Variants in LPIN1 observed in about 807,000 individuals in gnomAD.
LPIN1 encodes the protein lipin 1, also known as phosphatidate phosphatase LPIN1.
Under a neutral mutation model 107.5 loss-of-function variants are expected in LPIN1, and 71 were observed. The ratio of observed to expected loss-of-function variants is 0.66; its 90% CI spans 0.55 to 0.80. LPIN1 has a LOEUF of 0.80. LPIN1 is among the 30% of genes least tolerant of loss of function. LPIN1 has a pLI of 0.00. For synonymous variants in LPIN1, 445 were observed against 452.6 expected (o/e 0.98, Z 0.21); for missense variants, 1,043 against 1,160.6 (o/e 0.90, Z 1.47).
At chr2:11,692,001 A>G (rs764451465) in intron 1 of LPIN1, among the ~76,000 whole-genome samples, 15 of 152,218 alleles carry the variant, frequency 9.9e-5, no homozygotes, top group Non-Finnish European at 2.1e-4. Flanking sequence ...ATGAAAATGG[A>G]AAGCCTTTTC....
At chr2:11,684,668 C>A (rs749913088) in intron 1 of LPIN1, among the ~76,000 whole-genome samples, 1 of 152,150 alleles carries the variant, frequency 6.6e-6, no homozygotes, top group Admixed American at 6.5e-5. Flanking sequence ...TGGGAGAAGG[C>A]ATTTTCTATT....
intron 14 of LPIN1, among the ~76,000 whole-genome samples, chr2:11,801,105 C>G (rs948899857): frequency 6.6e-6 from 1 of 152,120 alleles, no homozygotes; most frequent in Non-Finnish European, 1.5e-5. Context: ...CAAAAAATAA[C>G]GAATGCTCAC....
rs993205772 is a variant in LPIN1, at chr2:11,803,148, G to T, written c.2013+115G>T. 1.4e-6 allele frequency: 2 copies of T among 1,435,960 alleles called. No homozygotes were observed. The highest frequency in any genetic ancestry group is 1.9e-6 in the Non-Finnish European group (2 of 1,032,318). 89.0% of individuals were successfully genotyped at this position (1,435,960 alleles called of 1,614,324 possible). ...TTACTTGTCACCTTTCATCCCAGGG[G>T]GCCTGCAATCCCTCAACTGGGTACC... On this transcript the variant is annotated intron_variant, in intron 15 of 20. Coordinates refer to ENST00000674199, the MANE Select transcript of LPIN1 (RefSeq NM_001349206.2). This position sits in a 1 kb window ranked among gnomAD's most constrained non-coding sequence, Gnocchi z 4.2.
In LPIN1 at chr2:11,782,362, G is replaced by A. The variant is rs371167927; in HGVS notation, c.1119G>A (p.Gln373=). The A allele has an allele frequency of 9.9e-6, 16 of 1,614,218 alleles. No homozygotes were observed. The highest frequency in any genetic ancestry group is 4.4e-5 in the South Asian group (4 of 91,082). ...CACTTTTGGACCAGAACAAGCCTCA[G>A]ACAGAAATGCAGTTTGTGAATGAAG... is the stretch of plus-strand genomic sequence containing the variant. ...GGALLDQNKP[Q]TEMQFVNEED... is the part of the protein sequence containing the mutation. Residue 373 remains glutamine, a synonymous_variant, in exon 8 of 21, where the codon CAG becomes CAA. Coordinates refer to ENST00000674199, the MANE Select transcript of LPIN1 (RefSeq NM_001349206.2).
intron 1 of LPIN1, among the ~76,000 whole-genome samples, chr2:11,751,320 T>C (rs2148578923): frequency 6.6e-6 from 1 of 152,256 alleles, no homozygotes; most frequent in Non-Finnish European, 1.5e-5. Context: ...GGACCAGAGT[T>C]TTCCATCCTT....
At chr2:11,733,650 C>A (rs760070082) in intron 1 of LPIN1, among the ~76,000 whole-genome samples, 15 of 152,134 alleles carry the variant, frequency 9.9e-5, no homozygotes, top group Non-Finnish European at 1.6e-4. Context: ...CACAACGACG[C>A]CTGGATAATT....
In LPIN1 at chr2:11,800,586, T is replaced by C. The variant is rs187691857; in HGVS notation, c.1887-2321T>C. ...CACGCCTGGCTAATTTTTAAATTTT[T>C]TGTAGAGACAGGTTTTGCCATGTTG... is the stretch of plus-strand genomic sequence containing the variant. On this transcript the variant is annotated intron_variant, in intron 14 of 20. Coordinates refer to ENST00000674199, the MANE Select transcript of LPIN1 (RefSeq NM_001349206.2). 6.2e-4 allele frequency among the ~76,000 whole-genome samples: 95 copies of C among 152,240 alleles called. 1 individual carries two copies. The highest frequency in any genetic ancestry group is 6.8e-3 in the Middle Eastern group (2 of 294).
chr2:11,704,209 C>G (rs1245988013), intron 1 of LPIN1, among the ~76,000 whole-genome samples: 1 of 152,212 alleles, frequency 6.6e-6, no homozygotes, highest in Non-Finnish European at 1.5e-5. Context: ...TAGGTTAGCT[C>G]AGATTTAAGG....
chr2:11,760,323 A>G (rs1188682542), intron 1 of LPIN1, among the ~76,000 whole-genome samples: 3 of 152,226 alleles, frequency 2.0e-5, no homozygotes, highest in African/African-American at 4.8e-5. Flanking sequence ...TGGGAGGCCA[A>G]GGCAGGCGGC....
At chr2:11,785,994 T>C (rs574094903) in intron 10 of LPIN1, among the ~76,000 whole-genome samples, 2 of 152,106 alleles carry the variant, frequency 1.3e-5, no homozygotes, top group Non-Finnish European at 2.9e-5. Context: ...TCTGAAGTCA[T>C]GGGGGCTCTC....
At chr2:11,802,162 A>T (rs931290096) in intron 14 of LPIN1, among the ~76,000 whole-genome samples, 1 of 152,216 alleles carries the variant, frequency 6.6e-6, no homozygotes, top group African/African-American at 2.4e-5. Flanking sequence ...CAGAGCTGAT[A>T]CTACTGGGTT....
At chr2:11,784,672 A>C (rs1045410508) in intron 9 of LPIN1, 84 of 632,852 alleles carry the variant, frequency 1.3e-4, no homozygotes, top group Non-Finnish European at 2.1e-4. Context: ...GGATACAGGG[A>C]GATGCAGCCA....
At chr2:11,704,288 T>C (rs1663021464) in intron 1 of LPIN1, among the ~76,000 whole-genome samples, 1 of 152,246 alleles carries the variant, frequency 6.6e-6, no homozygotes, top group Non-Finnish European at 1.5e-5. Context: ...TTTAATCTAA[T>C]ATATGCACAC....
At chr2:11,739,406 T>A (rs2148555851) in intron 1 of LPIN1, among the ~76,000 whole-genome samples, 1 of 152,324 alleles carries the variant, frequency 6.6e-6, no homozygotes, top group African/African-American at 2.4e-5. Flanking sequence ...ACCTGTTGAT[T>A]CAAGCTGCTA....
At chr2:11,739,992 T>G (rs191685495) in intron 1 of LPIN1, among the ~76,000 whole-genome samples, 1 of 152,294 alleles carries the variant, frequency 6.6e-6, no homozygotes, top group East Asian at 1.9e-4. Flanking sequence ...TTATGGAGGC[T>G]GAGAAGTCCT....
At chr2:11,755,029 G>A (rs747793684) in intron 1 of LPIN1, among the ~76,000 whole-genome samples, 13 of 149,504 alleles carry the variant, frequency 8.7e-5, no homozygotes, top group Middle Eastern at 3.5e-3. Context: ...GCAGTGGCAC[G>A]ATCTCGGCTC....
At position 11,803,214 on chromosome 2, in the gene LPIN1, C is replaced by A. The variant is rs558600074; in HGVS notation, c.2013+181C>A. ...AACTCCAGCACTATCCAGGCTGGGTCCCCAATATGACCTTGCCTTTTGTCT... is the reference window on the plus strand; with the variant it reads ...AACTCCAGCACTATCCAGGCTGGGTACCCAATATGACCTTGCCTTTTGTCT... On this transcript the variant is annotated intron_variant, in intron 15 of 20. Transcript: ENST00000674199. This position sits in a 1 kb window ranked among gnomAD's most constrained non-coding sequence, Gnocchi z 4.2. Among the ~76,000 whole-genome samples the A allele has an allele frequency of 1.3e-5, 2 of 152,314 alleles. No homozygotes were observed. Among genetic ancestry groups the A allele is most frequent in the East Asian group, 3.9e-4 (2 of 5,170 alleles).
intron 13 of LPIN1, among the ~76,000 whole-genome samples, chr2:11,794,217 G>A (rs1006603240): frequency 6.6e-6 from 1 of 152,128 alleles, no homozygotes; most frequent in Admixed American, 6.5e-5. Context: ...GGCCTCTCTG[G>A]TTTTCTTACT....
intron 1 of LPIN1, among the ~76,000 whole-genome samples, chr2:11,729,446 T>G (rs13390952): frequency 0.15 from 23,319 of 152,236 alleles, 2,111 homozygotes; most frequent in South Asian, 0.21. Context: ...CTTTCACATA[T>G]GCAGTTAACA....
Sources: gnomAD v4.1 joint callset for allele counts (sites outside exome capture counted in the v4.1 genomes callset) on GRCh38, gnomAD v4.1.1 for gene constraint, Gnocchi (gnomAD v3.1) non-coding constraint, MANE v1.5 for transcripts, NCBI Gene and HGNC (gene_info 2026-07-23, HGNC 2026-07-21) for gene names.